Variants in ZNF69 observed in about 807,000 individuals in gnomAD.
ZNF69 encodes the protein ZNF3.
In ZNF69, 47 loss-of-function variants were observed where a neutral mutation model predicts 50.9. That is an observed-to-expected ratio of 0.92 (90% confidence interval 0.73 to 1.18). The LOEUF (loss-of-function observed/expected upper bound fraction) is 1.18. Ranked by LOEUF, ZNF69 falls within the 50% of genes most tolerant of loss-of-function variation. ZNF69 has a pLI of 0.00. For missense variants in ZNF69, 717 were observed against 675.1 expected, an observed-to-expected ratio of 1.06 and a Z score of -0.69; for synonymous variants, 216 against 223.1, an observed-to-expected ratio of 0.97 and a Z score of 0.29.
At chr19:11,921,323 C>T in the ZNF69 span, among the ~76,000 whole-genome samples, 2 of 152,044 alleles carry the variant, frequency 1.3e-5, no homozygotes, top group African/African-American at 2.4e-5. Context: ...GCACATGCCA[C>T]TATGCCCGGC....
chr19:11,914,114 G>C (rs1448879302), exon 5 of ZNF69: 1 of 152,068 alleles, frequency 6.6e-6, no homozygotes, highest in Non-Finnish European at 1.5e-5. Flanking sequence ...TCAGGAGTTA[G>C]AGACCATTCT....
At chr19:11,901,866 G>C (rs897192103) in intron 1 of ZNF69, among the ~76,000 whole-genome samples, 1 of 151,904 alleles carries the variant, frequency 6.6e-6, no homozygotes, top group Non-Finnish European at 1.5e-5. Context: ...GTACAGTTGA[G>C]ATAGTTTGAC....
At chr19:11,938,604 G>A in the ZNF69 span, among the ~76,000 whole-genome samples, 1 of 152,178 alleles carries the variant, frequency 6.6e-6, no homozygotes, top group African/African-American at 2.4e-5. Context: ...ATGTGTATAT[G>A]TGCCACATTT....
chr19:11,976,927 C>T, the ZNF69 span: 1 of 1,552,452 alleles, frequency 6.4e-7, no homozygotes, highest in South Asian at 1.2e-5. Context: ...ATGTGATGAC[C>T]AAAGCAGGGA....
the ZNF69 span, chr19:11,979,016 GA>G: frequency 3.1e-6 from 5 of 1,614,014 alleles, no homozygotes; most frequent in East Asian, 1.1e-4. Flanking sequence ...CCCACTCTGC[GA>G]AAAAACCTTA....
chr19:11,905,961 C>T lies in ZNF69; in HGVS notation c.1564C>T (p.Arg522Ter), dbSNP rs776572652. 1.6e-5 allele frequency: 26 copies of T among 1,613,868 alleles called. No homozygotes were observed. The highest frequency in any genetic ancestry group is 8.3e-5 in the Admixed American group (5 of 59,984). Residue 522 changes from arginine (R) to a stop codon, truncating the protein, a stop_gained, in exon 4 of 4, where the codon CGA becomes TGA. Transcript: ENST00000429654. LOFTEE classifies it high-confidence loss of function. ...GEAFSSSSSFRYHERTHTGEK... is the reference protein window; with the variant it reads ...GEAFSSSSSF ...AGCCTTCAGTAGTTCCAGTTCCTTTCGATACCATGAAAGGACTCACACTGG... is the reference window on the plus strand; with the variant it reads ...AGCCTTCAGTAGTTCCAGTTCCTTTTGATACCATGAAAGGACTCACACTGG...
At chr19:11,967,498 G>A in the ZNF69 span, among the ~76,000 whole-genome samples, 2 of 151,894 alleles carry the variant, frequency 1.3e-5, no homozygotes, top group Admixed American at 6.6e-5. Context: ...TCCACCTCCC[G>A]GGTTCACGCC....
chr19:11,906,757 C>T (rs555574580), downstream of ZNF69, among the ~76,000 whole-genome samples: 4 of 152,330 alleles, frequency 2.6e-5, no homozygotes, highest in Non-Finnish European at 4.4e-5. Context: ...TTCTAAACAT[C>T]AGAGCGCCTC....
At chr19:11,945,159 A>C in the ZNF69 span, among the ~76,000 whole-genome samples, 1 of 152,122 alleles carries the variant, frequency 6.6e-6, no homozygotes, top group Non-Finnish European at 1.5e-5. Context: ...GGACTGACAT[A>C]AGTTTTTCCT....
the ZNF69 span, chr19:11,949,060 C>T: frequency 1.2e-6 from 2 of 1,609,024 alleles, no homozygotes; most frequent in African/African-American, 1.3e-5. Context: ...CTTATCCTAT[C>T]TTATAAGTTT....
chr19:11,888,838 T>A (rs1232377480), intron 1 of ZNF69, among the ~76,000 whole-genome samples: 1 of 152,082 alleles, frequency 6.6e-6, no homozygotes, highest in Non-Finnish European at 1.5e-5. Flanking sequence ...CCGGGCGTGA[T>A]GGTGGACGCC....
the ZNF69 span, among the ~76,000 whole-genome samples, chr19:11,944,270 T>C: frequency 6.6e-5 from 10 of 152,332 alleles, no homozygotes; most frequent in East Asian, 1.2e-3. Context: ...GGCTATGATA[T>C]AATATTTCAT....
At chr19:11,919,636 A>G in the ZNF69 span, among the ~76,000 whole-genome samples, 4 of 152,248 alleles carry the variant, frequency 2.6e-5, no homozygotes, top group South Asian at 8.3e-4. Flanking sequence ...CAACATGGTC[A>G]TATTTGGACA....
chr19:11,924,132 A>G, the ZNF69 span, among the ~76,000 whole-genome samples: 1 of 152,062 alleles, frequency 6.6e-6, no homozygotes, highest in Non-Finnish European at 1.5e-5. Context: ...AGTTATTTGT[A>G]TAGATAAAGA....
chr19:11,917,290 C>A (rs1047140887), downstream of ZNF69, among the ~76,000 whole-genome samples: 13 of 152,358 alleles, frequency 8.5e-5, no homozygotes, highest in African/African-American at 3.1e-4. Context: ...GAACCTTCCA[C>A]TGACTCACAG....
At chr19:11,891,060 A>G (rs1034534551) in intron 1 of ZNF69, among the ~76,000 whole-genome samples, 2 of 152,194 alleles carry the variant, frequency 1.3e-5, no homozygotes, top group African/African-American at 4.8e-5. Context: ...TCAGACCCCA[A>G]GAGAGTTCTT....
chr19:11,923,044 G>C, the ZNF69 span, among the ~76,000 whole-genome samples: 4 of 152,008 alleles, frequency 2.6e-5, no homozygotes, highest in Non-Finnish European at 4.4e-5. Flanking sequence ...CTTCAACTTC[G>C]GGCTTCAAGT....
chr19:11,951,169 GAA>G, the ZNF69 span, among the ~76,000 whole-genome samples: 1 of 135,336 alleles, frequency 7.4e-6, no homozygotes, highest in African/African-American at 3.0e-5. Context: ...AAAAAAAAAA[GAA>G]AGAAATTTTA....
the ZNF69 span, among the ~76,000 whole-genome samples, chr19:11,927,159 C>T: frequency 6.6e-6 from 1 of 152,194 alleles, no homozygotes; most frequent in Admixed American, 6.5e-5. Context: ...TCGAGACCAG[C>T]CTGGGCAACA....
Sources: allele counts gnomAD v4.1 joint callset (sites outside exome capture counted in the v4.1 genomes callset), GRCh38; gene constraint gnomAD v4.1.1; transcripts MANE v1.5; gene names NCBI Gene and HGNC (gene_info 2026-07-23, HGNC 2026-07-21).